The following SLC25A26 variants were observed in gnomAD, a reference collection of about 807,000 sequenced individuals.
SLC25A26 encodes the protein solute carrier family 25 member 26.
In SLC25A26, 36 loss-of-function variants were observed where a neutral mutation model predicts 37.8. The ratio of observed to expected loss-of-function variants is 0.95; its 90% CI spans 0.73 to 1.26. The LOEUF is 1.26. Ranked by LOEUF, SLC25A26 falls within the 50% of genes most tolerant of loss-of-function variation. SLC25A26 has a pLI of 0.00. For missense variants in SLC25A26, 390 were observed against 331.1 expected (o/e 1.18, Z -1.38); for synonymous variants, 129 against 122.5 (o/e 1.05, Z -0.35).
intron 1 of SLC25A26, among the ~76,000 whole-genome samples, chr3:66,225,950 A>G (rs939372274): frequency 2.6e-5 from 4 of 152,170 alleles, no homozygotes; most frequent in African/African-American, 7.2e-5. Context: ...AAGCCATTCA[A>G]CAAGTCTCTA....
chr3:66,147,149 CTCTTT>C (rs1388429823), intron 1 of SLC25A26, among the ~76,000 whole-genome samples: 1 of 106,168 alleles, frequency 9.4e-6, no homozygotes, highest in East Asian at 3.4e-4. Context: ...CTCCCCGTCC[CTCTTT>C]TCTTTTCTTT....
intron 1 of SLC25A26, among the ~76,000 whole-genome samples, chr3:66,227,613 A>G (rs1054653358): frequency 6.6e-6 from 1 of 152,354 alleles, no homozygotes; most frequent in African/African-American, 2.4e-5. Context: ...TAAGTAAATC[A>G]TGGTAACTGA....
intron 5 of SLC25A26, among the ~76,000 whole-genome samples, chr3:66,330,933 C>T (rs113557177): frequency 6.6e-6 from 1 of 152,122 alleles, no homozygotes; most frequent in African/African-American, 2.4e-5. Context: ...CTTGGTTACT[C>T]CTTTTCTTGG....
intron 1 of SLC25A26, among the ~76,000 whole-genome samples, chr3:66,225,290 C>G (rs1423157936): frequency 6.6e-6 from 1 of 152,190 alleles, no homozygotes; most frequent in Non-Finnish European, 1.5e-5. Flanking sequence ...CAGAGGTTCC[C>G]AAAGCTCAGT....
upstream of SLC25A26, among the ~76,000 whole-genome samples, chr3:66,218,607 C>T (rs1359330449): frequency 2.0e-5 from 3 of 152,210 alleles, no homozygotes; most frequent in African/African-American, 4.8e-5. Flanking sequence ...TAATAAATGT[C>T]GATTACCTGT....
chr3:66,181,780 CTTTTTTTTTTTTT>C (rs922019884), intron 1 of SLC25A26, among the ~76,000 whole-genome samples: 1 of 97,064 alleles, frequency 1.0e-5, no homozygotes, highest in African/African-American at 4.1e-5. Context: ...CTCCCCTTGT[CTTTTTTTTTTTTT>C]TTTTTTTTTT....
intron 1 of SLC25A26, among the ~76,000 whole-genome samples, chr3:66,213,709 A>G (rs1346568310): frequency 2.6e-5 from 4 of 152,182 alleles, no homozygotes; most frequent in Non-Finnish European, 5.9e-5. Context: ...ACAAACATAT[A>G]ATAACATGTG....
intron 9 of SLC25A26, among the ~76,000 whole-genome samples, chr3:66,375,158 C>T (rs1175116555): frequency 6.6e-6 from 1 of 152,172 alleles, no homozygotes; most frequent in Non-Finnish European, 1.5e-5. Flanking sequence ...TAATCCAGAG[C>T]AAGGCATTAA....
At chr3:66,312,526 G>T in intron 5 of SLC25A26, among the ~76,000 whole-genome samples, 1 of 140,562 alleles carries the variant, frequency 7.1e-6, no homozygotes. Context: ...GTGTCACTGG[G>T]TACGAAGAAA....
chr3:66,376,393 A>G (rs919609529), intron 9 of SLC25A26, among the ~76,000 whole-genome samples: 10 of 152,158 alleles, frequency 6.6e-5, no homozygotes, highest in African/African-American at 2.2e-4. Flanking sequence ...CATCAATGCA[A>G]CAATTACTAT....
chr3:66,375,486 C>T (rs915146431), intron 9 of SLC25A26, among the ~76,000 whole-genome samples: 1 of 152,068 alleles, frequency 6.6e-6, no homozygotes, highest in Admixed American at 6.6e-5. Flanking sequence ...GGCTGACTCT[C>T]TTGTTAGGGG....
At chr3:66,253,210 G>A (rs911039420) in intron 3 of SLC25A26, among the ~76,000 whole-genome samples, 4 of 151,510 alleles carry the variant, frequency 2.6e-5, no homozygotes, top group Admixed American at 6.6e-5. Context: ...GATCAAGACC[G>A]TCCTGGCTAA....
chr3:66,163,389 T>G (rs767251748), intron 1 of SLC25A26, among the ~76,000 whole-genome samples: 2 of 152,200 alleles, frequency 1.3e-5, no homozygotes, highest in Non-Finnish European at 2.9e-5. Flanking sequence ...TCCAACCACT[T>G]TCATGTGCTA....
chr3:66,262,124 T>G lies in SLC25A26; in HGVS notation c.374T>G (p.Phe125Cys). ...CAGGTATCTGCTTCTACAAGAACAT[T>G]TCAGATTTTCTCTAACATCTTATAT... ...RAQVSASTRT[F>C]QIFSNILYEE... Residue 125 changes from phenylalanine to cysteine, a missense_variant, in exon 4 of 10, where the codon TTT becomes TGT. Coordinates refer to ENST00000354883, the MANE Select transcript of SLC25A26 (RefSeq NM_001379210.1). 6.4e-7 allele frequency: 1 copy of G among 1,572,924 alleles called. No homozygotes were observed. Among genetic ancestry groups the G allele is most frequent in the East Asian group, 2.3e-5 (1 of 43,816 alleles).
intron 7 of SLC25A26, among the ~76,000 whole-genome samples, chr3:66,369,024 TCAAAAAAAAAAAAAAAAAA>T (rs1184606343): frequency 2.6e-4 from 20 of 76,782 alleles, no homozygotes; most frequent in Non-Finnish European, 4.4e-4. Flanking sequence ...CCCTGTCTTT[TCAAAAAAAAAAAAAAAAAA>T]CAAAAACAAA....
intron 5 of SLC25A26, among the ~76,000 whole-genome samples, chr3:66,294,198 C>T (rs1460978223): frequency 2.2e-4 from 34 of 152,088 alleles, no homozygotes; most frequent in Admixed American, 2.2e-3. Flanking sequence ...TCTCTGATAC[C>T]TCTGAGCAGT....
At chr3:66,242,749 A>G (rs918156553) in intron 2 of SLC25A26, among the ~76,000 whole-genome samples, 2 of 152,208 alleles carry the variant, frequency 1.3e-5, no homozygotes, top group Non-Finnish European at 2.9e-5. Flanking sequence ...AGCCATGATT[A>G]TTTTGAGTAA....
intron 1 of SLC25A26, among the ~76,000 whole-genome samples, chr3:66,211,768 A>G (rs1029129046): frequency 4.6e-5 from 7 of 152,246 alleles, no homozygotes; most frequent in Admixed American, 3.3e-4. Flanking sequence ...TTTTAAATGC[A>G]TTCCATCTCT....
intron 1 of SLC25A26, among the ~76,000 whole-genome samples, chr3:66,169,791 T>C (rs968163821): frequency 2.6e-5 from 4 of 152,204 alleles, no homozygotes; most frequent in African/African-American, 9.6e-5. Flanking sequence ...GGTGTGATGC[T>C]GAATCAAAAA....
Sources: allele counts gnomAD v4.1 joint callset (sites outside exome capture counted in the v4.1 genomes callset), GRCh38; gene constraint gnomAD v4.1.1; transcripts MANE v1.5; gene names NCBI Gene and HGNC (gene_info 2026-07-23, HGNC 2026-07-21).